Variants in NAF1 observed in about 807,000 individuals in gnomAD.
The protein encoded by NAF1 is nuclear assembly factor 1 ribonucleoprotein, also known as H/ACA ribonucleoprotein complex non-core subunit NAF1.
In NAF1, 11 loss-of-function variants were observed where a neutral mutation model predicts 40.6. The ratio of observed to expected loss-of-function variants is 0.27; its 90% CI spans 0.17 to 0.45. The LOEUF is 0.45. Among genes scored for constraint, NAF1 ranks in the 20% least tolerant of loss-of-function variants. The pLI is 1.00. For synonymous variants in NAF1, 260 were observed against 228.5 expected, an observed-to-expected ratio of 1.14 and a Z score of -1.24; for missense variants, 607 against 611.1, an observed-to-expected ratio of 0.99 and a Z score of 0.07.
chr4:163,157,002 G>A (rs995467469), intron 2 of NAF1: 2 of 152,006 alleles, frequency 1.3e-5, no homozygotes, highest in Non-Finnish European at 2.9e-5. Context: ...ATAACAAAGA[G>A]TAGGAAAGGA....
intron 7 of NAF1, 46 bp from the exon 8 acceptor site, chr4:163,129,394 T>C: frequency 6.6e-7 from 1 of 1,516,944 alleles, no homozygotes; most frequent in Non-Finnish European, 9.0e-7. Flanking sequence ...ATAAGTTTAA[T>C]ATATCAAAAA....
chr4:163,108,356 C>T (rs1730082570), downstream of NAF1, among the ~76,000 whole-genome samples: 1 of 152,158 alleles, frequency 6.6e-6, no homozygotes. Context: ...TTCCAATAAC[C>T]ATTAATTCAA....
chr4:163,114,218 G>A (rs1024033293), intron 2 of NAF1, among the ~76,000 whole-genome samples: 4 of 152,308 alleles, frequency 2.6e-5, no homozygotes, highest in African/African-American at 7.2e-5. Flanking sequence ...TTTGTGGAGA[G>A]GTCTGTGGAA....
intron 1 of NAF1, among the ~76,000 whole-genome samples, chr4:163,165,423 T>G (rs1560812166): frequency 6.6e-6 from 1 of 152,216 alleles, no homozygotes; most frequent in Non-Finnish European, 1.5e-5. Context: ...TACCATTTAC[T>G]TTTCTTTGCT....
At chr4:163,116,758 C>T (rs1022540374) in intron 2 of NAF1, among the ~76,000 whole-genome samples, 1 of 152,192 alleles carries the variant, frequency 6.6e-6, no homozygotes, top group Non-Finnish European at 1.5e-5. Context: ...ATGTTTACTA[C>T]CTCACAAAAT....
chr4:163,123,184 A>C, downstream of NAF1, among the ~76,000 whole-genome samples: 1 of 152,182 alleles, frequency 6.6e-6, no homozygotes, highest in East Asian at 1.9e-4. Flanking sequence ...TCACACGGTG[A>C]GTGTGAGCAA....
In NAF1 at chr4:163,166,387, G is replaced by A. The variant is rs757998387; in HGVS notation, c.341C>T (p.Ser114Leu). The A allele has an allele frequency of 1.9e-6, 3 of 1,605,790 alleles. No homozygotes were observed. ...PARAPDSLET[S>L]DSDSDSDSET... ...CCTGTCCGAGTCCGAATCCGAGTCC[G>A]AGGTCTCCAAGGAGTCCGGCGCCCG... Residue 114 changes from serine to leucine, a missense_variant, in exon 1 of 8, where the codon TCG becomes TTG. By Grantham distance (145) the Ser-to-Leu change is moderately radical (BLOSUM62 -2). Around this residue, in one of 3 missense-constraint regions of NAF1, gnomAD observed 407 missense variants for 365.5 expected, o/e 1.11. Coordinates refer to ENST00000274054, the MANE Select transcript of NAF1 (RefSeq NM_138386.3).
At position 163,140,403 on chromosome 4, in the gene NAF1, G is replaced by T; in HGVS notation, c.718-20C>A. ...GAATATCTGTAATAGAAACATAAAG[G>T]CCTCTTTTAACATGTAAAATAACTA... is the stretch of plus-strand genomic sequence containing the variant. On this transcript the variant is annotated intron_variant, in intron 4 of 7. Transcript: ENST00000274054. 6.4e-7 allele frequency: 1 copy of T among 1,574,386 alleles called. No individual in the cohort carries two copies. The highest frequency in any genetic ancestry group is 8.6e-7 in the Non-Finnish European group (1 of 1,163,774).
At chr4:163,124,861 C>A (rs950932851), downstream of NAF1, among the ~76,000 whole-genome samples, 16 of 152,152 alleles carry the variant, frequency 1.1e-4, 2 homozygotes, top group Admixed American at 1.0e-3. Context: ...TTTTACAAAT[C>A]GAAGGTTTGT....
chr4:163,121,271 T>G (rs1730510664), intron 2 of NAF1, among the ~76,000 whole-genome samples: 1 of 152,188 alleles, frequency 6.6e-6, no homozygotes, highest in African/African-American at 2.4e-5. Flanking sequence ...TTCTGGAACA[T>G]AATTGCATGT....
chr4:163,136,040 T>A (rs1189893533), intron 6 of NAF1: 3 of 152,234 alleles, frequency 2.0e-5, no homozygotes, highest in Non-Finnish European at 2.9e-5. Context: ...ACTGGTTAAG[T>A]GATTCATACC....
chr4:163,149,863 CTA>C (rs1186357418), intron 2 of NAF1, among the ~76,000 whole-genome samples: 2 of 152,076 alleles, frequency 1.3e-5, no homozygotes, highest in Admixed American at 1.3e-4. Flanking sequence ...GACTGGATAA[CTA>C]TAATTTTGGG....
chr4:163,126,123 T>G (rs1252026691), downstream of NAF1, among the ~76,000 whole-genome samples: 1 of 152,230 alleles, frequency 6.6e-6, no homozygotes, highest in East Asian at 1.9e-4. Flanking sequence ...TTGAATTTTT[T>G]TAATGCCTGC....
rs1280243934 is a variant in NAF1, at chr4:163,166,695, C to G, written c.33G>C (p.Leu11=). 1.2e-6 allele frequency: 2 copies of G among 1,613,660 alleles called. No homozygotes were observed. The highest frequency in any genetic ancestry group is 1.7e-6 in the Non-Finnish European group (2 of 1,180,018). MEVVEAAAAQ[L]ETLKFNGTDF... ...CGGTGCCATTGAATTTCAGAGTTTC[C>G]AGCTGAGCGGCGGCGGCCTCCACTA... Residue 11 remains leucine (L), a synonymous_variant, in exon 1 of 8, where the codon CTG becomes CTC. Coordinates refer to ENST00000274054, the MANE Select transcript of NAF1 (RefSeq NM_138386.3).
rs751695049 is a variant in NAF1, at chr4:163,133,142, G to C, written c.1033+12C>G. ...AAGATAAAGAACGAGTATATATATT[G>C]TATTCACTCACCAGGCTCATTAAAT... On this transcript the variant is annotated intron_variant, in intron 7 of 7. Transcript: ENST00000274054. The C allele has an allele frequency of 2.2e-5, 34 of 1,579,588 alleles. No individual in the cohort carries two copies. The highest frequency in any genetic ancestry group is 1.7e-4 in the Middle Eastern group (1 of 5,958).
Position 163,137,222 on chromosome 4 carries a change from T to C in NAF1, c.907A>G (p.Asn303Asp), listed in dbSNP as rs1220011590. ...QDKGSDASWKNDQEPPPEALD... is the reference protein window; with the variant it reads ...QDKGSDASWKDDQEPPPEALD... ...ACCTCTGGTGGTGGTTCCTGATCATTCTTCCATGATGCATCTGATCCCTTA... is the reference window on the plus strand; with the variant it reads ...ACCTCTGGTGGTGGTTCCTGATCATCCTTCCATGATGCATCTGATCCCTTA... Residue 303 changes from asparagine to aspartate, a missense_variant, in exon 6 of 8, where the codon AAT becomes GAT. Transcript: ENST00000274054. 7 of 1,611,256 alleles carry C rather than the reference T, an allele frequency of 4.3e-6. No individual in the cohort carries two copies. Among genetic ancestry groups the C allele is most frequent in the Non-Finnish European group, 4.2e-6 (5 of 1,178,052 alleles).
chr4:163,131,368 G>A (rs1730867652), intron 7 of NAF1, among the ~76,000 whole-genome samples: 1 of 152,044 alleles, frequency 6.6e-6, no homozygotes, highest in African/African-American at 2.4e-5. Flanking sequence ...ATTCTAGCCT[G>A]GGCAACAGAG....
chr4:163,126,396 G>A (rs146326648), downstream of NAF1, among the ~76,000 whole-genome samples: 1 of 152,108 alleles, frequency 6.6e-6, no homozygotes, highest in Non-Finnish European at 1.5e-5. Context: ...TAATTTTGAG[G>A]TGTTTAAGAC....
downstream of NAF1, among the ~76,000 whole-genome samples, chr4:163,128,250 G>A (rs1017695514): frequency 3.9e-5 from 6 of 152,206 alleles, no homozygotes; most frequent in African/African-American, 1.4e-4. Context: ...ATCCCTTTTA[G>A]GAGGTTAAAT....
Sources: gnomAD v4.1 joint callset for allele counts (sites outside exome capture counted in the v4.1 genomes callset) on GRCh38, gnomAD v4.1.1 for gene constraint, gnomAD v4.1.1 regional missense constraint, MANE v1.5 for transcripts, NCBI Gene and HGNC (gene_info 2026-07-23, HGNC 2026-07-21) for gene names.